The following DDX19B variants were observed in gnomAD, a reference collection of about 807,000 sequenced individuals.
DDX19B encodes ATP-dependent RNA helicase DDX19B.
In DDX19B, 27 loss-of-function variants were observed where a neutral mutation model predicts 58.1. That is an observed-to-expected ratio of 0.46 (90% CI 0.34 to 0.64). DDX19B has a LOEUF of 0.64. DDX19B is among the 30% of genes least tolerant of loss of function. The pLI is 0.01. For synonymous variants in DDX19B, 187 were observed against 214.4 expected (o/e 0.87, Z 1.12); for missense variants, 399 against 596.5 (o/e 0.67, Z 3.45).
At chr16:70,295,161 T>A, upstream of DDX19B, 1 of 961,954 alleles carries the variant, frequency 1.0e-6, no homozygotes, top group Non-Finnish European at 1.4e-6. Flanking sequence ...GATGCTCTTA[T>A]TCCCCGAACA....
At chr16:70,322,632 G>C (rs1478728935) in intron 5 of DDX19B, among the ~76,000 whole-genome samples, 1 of 145,922 alleles carries the variant, frequency 6.9e-6, no homozygotes, top group Non-Finnish European at 1.5e-5. Context: ...GGTGGCTCAC[G>C]ACTGTAATCC....
chr16:70,328,991 T>TG (rs910846341), intron 7 of DDX19B, among the ~76,000 whole-genome samples: 2 of 148,492 alleles, frequency 1.3e-5, no homozygotes, highest in African/African-American at 5.0e-5. Flanking sequence ...CCGAGGCAGG[T>TG]GGATCACCAG....
chr16:70,314,437 C>T (rs1008707368), intron 2 of DDX19B, among the ~76,000 whole-genome samples: 2 of 151,902 alleles, frequency 1.3e-5, no homozygotes, highest in African/African-American at 4.8e-5. Context: ...CCAAGGCAGG[C>T]GGATCACGAG....
At chr16:70,307,559 C>T (rs1317907720) in intron 1 of DDX19B, among the ~76,000 whole-genome samples, 2 of 149,372 alleles carry the variant, frequency 1.3e-5, no homozygotes, top group Non-Finnish European at 3.0e-5. Context: ...GATGGGGTTT[C>T]ATCATGTTGC....
rs374091910 is a variant in DDX19B, at chr16:70,332,939, C to G, written c.1187-29C>G. Reference sequence around the variant, plus strand: ...ACTGATTTGCCTCCTGTCCTTAGTCCTCTCAGCCTCCAACTCTCCTTCCTG... The same window carrying G: ...ACTGATTTGCCTCCTGTCCTTAGTCGTCTCAGCCTCCAACTCTCCTTCCTG... On this transcript the variant is annotated intron_variant, in intron 10 of 11. Coordinates refer to ENST00000288071, the MANE Select transcript of DDX19B (RefSeq NM_007242.7). The G allele has an allele frequency of 8.1e-4, 1,308 of 1,614,080 alleles. 1 individual carries two copies. Among genetic ancestry groups the G allele is most frequent in the Non-Finnish European group, 1.1e-3 (1,253 of 1,180,006 alleles).
upstream of DDX19B, among the ~76,000 whole-genome samples, chr16:70,292,463 C>CA (rs1029585956): frequency 1.4e-4 from 21 of 151,462 alleles, no homozygotes; most frequent in Middle Eastern, 3.4e-3. Context: ...TCTCTTAAAA[C>CA]AAAAAAAAGA....
chr16:70,290,506 A>G (rs1961032414), upstream of DDX19B, among the ~76,000 whole-genome samples: 1 of 152,016 alleles, frequency 6.6e-6, no homozygotes, highest in Admixed American at 6.6e-5. Flanking sequence ...CAGCCTGGCT[A>G]CGGAGCAAGA....
intron 7 of DDX19B, among the ~76,000 whole-genome samples, chr16:70,327,730 C>T (rs1358008054): frequency 2.6e-5 from 4 of 152,112 alleles, no homozygotes; most frequent in Non-Finnish European, 5.9e-5. Context: ...TATTTATCTT[C>T]ATTAGCAGAA....
chr16:70,290,336 G>C (rs960768197), upstream of DDX19B, among the ~76,000 whole-genome samples: 6 of 152,142 alleles, frequency 3.9e-5, no homozygotes, highest in African/African-American at 1.4e-4. Context: ...AGGAGACCGA[G>C]AGCATCCTGG....
At chr16:70,328,683 T>A (rs1963307685) in intron 7 of DDX19B, among the ~76,000 whole-genome samples, 2 of 152,134 alleles carry the variant, frequency 1.3e-5, no homozygotes, top group Middle Eastern at 6.8e-3. Flanking sequence ...TTTTTAAATG[T>A]ACAATATATT....
intron 1 of DDX19B, among the ~76,000 whole-genome samples, chr16:70,308,569 C>T (rs1014054647): frequency 1.3e-5 from 2 of 151,762 alleles, no homozygotes; most frequent in Non-Finnish European, 2.9e-5. Context: ...TGGGGTCTCA[C>T]TATGTTACCC....
At chr16:70,322,935 A>G (rs934204153) in intron 5 of DDX19B, among the ~76,000 whole-genome samples, 4 of 148,866 alleles carry the variant, frequency 2.7e-5, no homozygotes, top group Non-Finnish European at 5.9e-5. Flanking sequence ...GGAACAGCTT[A>G]CTTTTGCCAG....
At chr16:70,326,289 T>C (rs56858847) in intron 7 of DDX19B, among the ~76,000 whole-genome samples, 1,928 of 152,094 alleles carry the variant, frequency 0.013, 44 homozygotes, top group African/African-American at 0.044. Flanking sequence ...ATCCTAGCTA[T>C]CATGGTGAAA....
intron 1 of DDX19B, among the ~76,000 whole-genome samples, chr16:70,306,877 T>A (rs1263110829): frequency 6.6e-6 from 1 of 152,218 alleles, no homozygotes; most frequent in Non-Finnish European, 1.5e-5. Context: ...ACTCCCTGTT[T>A]CCCTACAAAC....
chr16:70,322,613 G>T (rs923359160), intron 5 of DDX19B, among the ~76,000 whole-genome samples: 4 of 144,774 alleles, frequency 2.8e-5, no homozygotes, highest in African/African-American at 1.0e-4. Context: ...AAAAAAAAAG[G>T]CCGGGCGTGG....
At chr16:70,301,445 C>T (rs1350274143) in intron 1 of DDX19B, among the ~76,000 whole-genome samples, 3 of 151,928 alleles carry the variant, frequency 2.0e-5, no homozygotes, top group Non-Finnish European at 2.9e-5. Flanking sequence ...ACTTGTTTTC[C>T]CCTTTCTAAG....
chr16:70,297,120 T>G (rs1961251741), upstream of DDX19B, among the ~76,000 whole-genome samples: 1 of 152,184 alleles, frequency 6.6e-6, no homozygotes, highest in Non-Finnish European at 1.5e-5. Flanking sequence ...TTCACCATGT[T>G]GGTCAGGATG....
At chr16:70,319,475 T>C (rs1013310451) in intron 5 of DDX19B, 1 of 152,156 alleles carries the variant, frequency 6.6e-6, no homozygotes, top group African/African-American at 2.4e-5. Context: ...GATCACATTC[T>C]GAGTACAAGA....
At chr16:70,296,838 T>C (rs1597459328), upstream of DDX19B, among the ~76,000 whole-genome samples, 1 of 152,316 alleles carries the variant, frequency 6.6e-6, no homozygotes, top group East Asian at 1.9e-4. Flanking sequence ...TTACCCTTTC[T>C]CAAAACGTTT....
Sources: gnomAD v4.1 joint callset for allele counts (sites outside exome capture counted in the v4.1 genomes callset) on GRCh38, gnomAD v4.1.1 for gene constraint, MANE v1.5 for transcripts, NCBI Gene and HGNC (gene_info 2026-07-23, HGNC 2026-07-21) for gene names.